Variants in PRKG1 observed in about 807,000 individuals in gnomAD.
The protein encoded by PRKG1 is cGMP-dependent protein kinase 1.
A neutral mutation model predicts 88.1 loss-of-function variants in PRKG1; 35 were observed. That is an observed-to-expected ratio of 0.40 (90% CI 0.30 to 0.53). The LOEUF is 0.53. PRKG1 is among the 20% of genes least tolerant of loss of function. PRKG1 has a pLI of 0.59. For synonymous variants in PRKG1, 303 were observed against 292.5 expected, an observed-to-expected ratio of 1.04 and a Z score of -0.37; for missense variants, 540 against 839.8, an observed-to-expected ratio of 0.64 and a Z score of 4.41.
At chr10:51,850,169 C>T (rs1243992726) in intron 4 of PRKG1, among the ~76,000 whole-genome samples, 1 of 152,064 alleles carries the variant, frequency 6.6e-6, no homozygotes, top group Non-Finnish European at 1.5e-5. Flanking sequence ...TAAATTTGAC[C>T]ACTTTCCAAT....
At chr10:51,783,116 A>G (rs572622128) in intron 3 of PRKG1, among the ~76,000 whole-genome samples, 1 of 152,198 alleles carries the variant, frequency 6.6e-6, no homozygotes, top group African/African-American at 2.4e-5. Context: ...TTCTACCCCA[A>G]TTAATTAAAT....
intron 4 of PRKG1, among the ~76,000 whole-genome samples, chr10:51,851,917 C>A (rs567980793): frequency 6.6e-6 from 1 of 151,960 alleles, no homozygotes; most frequent in Non-Finnish European, 1.5e-5. Context: ...GTGGCCTTAG[C>A]AGTAAAGACT....
At chr10:51,005,553 T>C (rs749629262) in intron 1 of PRKG1, among the ~76,000 whole-genome samples, 4 of 152,192 alleles carry the variant, frequency 2.6e-5, no homozygotes, top group Non-Finnish European at 5.9e-5. Context: ...ATTACCATAT[T>C]AATAACATAA....
intron 17 of PRKG1, among the ~76,000 whole-genome samples, chr10:52,293,058 C>G (rs1842292696): frequency 6.6e-6 from 1 of 151,786 alleles, no homozygotes; most frequent in South Asian, 2.1e-4. Context: ...GCAACTTCAG[C>G]AAAGTCTCAG....
At chr10:51,424,649 AC>A (rs879590090) in intron 2 of PRKG1, among the ~76,000 whole-genome samples, 2 of 151,972 alleles carry the variant, frequency 1.3e-5, no homozygotes, top group Non-Finnish European at 2.9e-5. Context: ...CAGTTACATG[AC>A]CCCTACTAAG....
At chr10:52,225,771 T>G (rs898583015) in intron 9 of PRKG1, among the ~76,000 whole-genome samples, 1 of 152,140 alleles carries the variant, frequency 6.6e-6, no homozygotes, top group Non-Finnish European at 1.5e-5. Context: ...TCTTTTTGTT[T>G]GCTTTCTTGA....
intron 9 of PRKG1, among the ~76,000 whole-genome samples, chr10:52,197,415 A>G (rs914985278): frequency 1.3e-5 from 2 of 152,118 alleles, no homozygotes; most frequent in Non-Finnish European, 2.9e-5. Context: ...GAATGATATC[A>G]AGAGAATAGA....
chr10:51,004,321 G>C (rs1842919589), intron 1 of PRKG1, among the ~76,000 whole-genome samples: 1 of 152,054 alleles, frequency 6.6e-6, no homozygotes, highest in Non-Finnish European at 1.5e-5. Flanking sequence ...AAGTTATCCG[G>C]ACGTGGTGGT....
intron 8 of PRKG1, among the ~76,000 whole-genome samples, chr10:52,146,256 T>C (rs1209203065): frequency 6.6e-6 from 1 of 152,190 alleles, no homozygotes; most frequent in Non-Finnish European, 1.5e-5. Flanking sequence ...TTGGAAAGCA[T>C]AGAGACATAT....
intron 8 of PRKG1, among the ~76,000 whole-genome samples, chr10:52,142,223 A>C (rs1003968065): frequency 3.3e-5 from 5 of 152,174 alleles, no homozygotes; most frequent in Admixed American, 6.6e-5. Flanking sequence ...GGATTACAGC[A>C]CAGGCCTCAT....
intron 2 of PRKG1, among the ~76,000 whole-genome samples, chr10:51,202,663 G>A (rs951080747): frequency 6.6e-6 from 1 of 152,178 alleles, no homozygotes; most frequent in Non-Finnish European, 1.5e-5. Context: ...TAGTTTATGG[G>A]GTTTAAACAA....
chr10:51,968,613 G>C (rs912574259), intron 5 of PRKG1, among the ~76,000 whole-genome samples: 5 of 152,044 alleles, frequency 3.3e-5, no homozygotes, highest in African/African-American at 1.2e-4. Flanking sequence ...ACGAGGTCAA[G>C]AGTTCGAGAC....
At chr10:51,094,877 C>T (rs567452026) in intron 1 of PRKG1, among the ~76,000 whole-genome samples, 2 of 152,204 alleles carry the variant, frequency 1.3e-5, no homozygotes, top group South Asian at 4.1e-4. Flanking sequence ...TGTTTTTCAT[C>T]TTCAGAAGCT....
At chr10:51,950,403 T>C (rs1468114589) in intron 5 of PRKG1, among the ~76,000 whole-genome samples, 1 of 152,246 alleles carries the variant, frequency 6.6e-6, no homozygotes, top group Admixed American at 6.5e-5. Flanking sequence ...TAGACTTATA[T>C]GAGAGGCTTT....
chr10:52,166,967 C>T (rs1284543333), intron 9 of PRKG1, among the ~76,000 whole-genome samples: 3 of 150,168 alleles, frequency 2.0e-5, no homozygotes, highest in African/African-American at 4.9e-5. Flanking sequence ...CTAAACCAAA[C>T]ACAACTGCTA....
chr10:51,401,392 G>C (rs1192900898), intron 2 of PRKG1, among the ~76,000 whole-genome samples: 1 of 152,118 alleles, frequency 6.6e-6, no homozygotes, highest in Non-Finnish European at 1.5e-5. Flanking sequence ...AGACCAGGAA[G>C]TGGGATAAAT....
chr10:51,825,806 G>A (rs1839867750), intron 4 of PRKG1, among the ~76,000 whole-genome samples: 1 of 152,126 alleles, frequency 6.6e-6, no homozygotes, highest in African/African-American at 2.4e-5. Context: ...GGTGTGGAGG[G>A]AACTGGAGAC....
At chr10:51,867,324 A>C (rs1038199013) in intron 4 of PRKG1, among the ~76,000 whole-genome samples, 5 of 152,200 alleles carry the variant, frequency 3.3e-5, no homozygotes, top group African/African-American at 9.6e-5. Flanking sequence ...TTTATTTAAA[A>C]GGCATATCTG....
chr10:52,284,061 TAAGAA>T (rs1258294848), intron 14 of PRKG1, among the ~76,000 whole-genome samples: 1 of 151,840 alleles, frequency 6.6e-6, no homozygotes. Flanking sequence ...TACTAAACTG[TAAGAA>T]ATAATTAATA....
Sources: allele counts gnomAD v4.1 joint callset (sites outside exome capture counted in the v4.1 genomes callset), GRCh38; gene constraint gnomAD v4.1.1; transcripts MANE v1.5; gene names NCBI Gene and HGNC (gene_info 2026-07-23, HGNC 2026-07-21).